TXNRD2: variants seen among roughly 807,000 people sequenced by gnomAD.
The protein encoded by TXNRD2 is thioredoxin reductase 2, mitochondrial.
In TXNRD2, 67 loss-of-function variants were observed where a neutral mutation model predicts 70.8. The ratio of observed to expected loss-of-function variants is 0.95; its 90% confidence interval spans 0.78 to 1.16. The LOEUF (loss-of-function observed/expected upper bound fraction) is 1.16, where lower values mean the gene tolerates loss of function less well. TXNRD2 is among the 50% of genes most tolerant of loss of function. TXNRD2 has a pLI of 0.00. For missense variants in TXNRD2, 644 were observed against 719.9 expected (o/e 0.89, Z 1.21); for synonymous variants, 301 against 295.8 (o/e 1.02, Z -0.18).
At chr22:19,903,210 C>T (rs574464157) in intron 8 of TXNRD2, among the ~76,000 whole-genome samples, 124 of 152,356 alleles carry the variant, frequency 8.1e-4, no homozygotes, top group African/African-American at 2.7e-3. Flanking sequence ...TAAACCCCCA[C>T]GGGGACCTGG....
intron 11 of TXNRD2, chr22:19,894,492 C>T (rs1288720074): frequency 1.3e-5 from 2 of 152,918 alleles, no homozygotes; most frequent in Non-Finnish European, 2.9e-5. Context: ...TGGCTGGGCA[C>T]AGTAGCTCAA....
intron 17 of TXNRD2, chr22:19,876,335 G>A (rs983490922): frequency 3.3e-5 from 5 of 152,348 alleles, no homozygotes; most frequent in Non-Finnish European, 5.9e-5. Flanking sequence ...TGGATGGCAC[G>A]GGCTGAGGGC....
At position 19,883,257 on chromosome 22, in the gene TXNRD2, G is replaced by A. The variant is rs992244491; in HGVS notation, c.1086+68C>T. On this transcript the variant is annotated intron_variant, in intron 12 of 17. Coordinates refer to ENST00000400521, the MANE Select transcript of TXNRD2 (RefSeq NM_006440.5). Reference sequence around the variant, plus strand: ...CTCTCCTACAGGACGGCAGCAGCCGGAGCCCAGCGAGCAGGGGTGGTGGAG... The same window carrying A: ...CTCTCCTACAGGACGGCAGCAGCCGAAGCCCAGCGAGCAGGGGTGGTGGAG... The A allele has an allele frequency of 7.0e-6, 11 of 1,579,844 alleles. No homozygotes were observed. The Middle Eastern group carries it at 1.1e-3, about 155-fold the overall frequency.
intron 5 of TXNRD2, among the ~76,000 whole-genome samples, chr22:19,917,044 G>A (rs1704211193): frequency 6.6e-6 from 1 of 152,212 alleles, no homozygotes; most frequent in African/African-American, 2.4e-5. Flanking sequence ...AGTTCCTACA[G>A]CAAGAGCCCT....
intron 2 of TXNRD2, among the ~76,000 whole-genome samples, chr22:19,929,917 C>T (rs551710900): frequency 2.6e-4 from 40 of 152,258 alleles, no homozygotes; most frequent in African/African-American, 9.2e-4. Flanking sequence ...TCATGAAAGG[C>T]GGAGACATAC....
chr22:19,927,855 G>A (rs565107253), intron 2 of TXNRD2, among the ~76,000 whole-genome samples: 6 of 152,114 alleles, frequency 3.9e-5, no homozygotes, highest in East Asian at 1.9e-4. Context: ...GAACCCAGTC[G>A]TCCTCGGGTA....
chr22:19,909,408 C>T (rs1036586589), intron 8 of TXNRD2, among the ~76,000 whole-genome samples: 4 of 151,856 alleles, frequency 2.6e-5, no homozygotes, highest in Non-Finnish European at 4.4e-5. Context: ...GGAACTATAC[C>T]ACATCCATTC....
chr22:19,933,928 G>T (rs1055805783), intron 1 of TXNRD2, among the ~76,000 whole-genome samples: 1 of 152,180 alleles, frequency 6.6e-6, no homozygotes, highest in East Asian at 1.9e-4. Flanking sequence ...CTGACATATT[G>T]TCCATTAATT....
chr22:19,884,667 TC>T (rs768903028), intron 11 of TXNRD2, among the ~76,000 whole-genome samples: 4 of 152,126 alleles, frequency 2.6e-5, no homozygotes, highest in Non-Finnish European at 5.9e-5. Context: ...AATGGCCTCC[TC>T]CCTATCTGGA....
At chr22:19,886,043 GC>G (rs2145946030) in intron 11 of TXNRD2, among the ~76,000 whole-genome samples, 1 of 152,378 alleles carries the variant, frequency 6.6e-6, no homozygotes, top group African/African-American at 2.4e-5. Context: ...AGCTGGACAG[GC>G]TGGATGGCCA....
chr22:19,904,710 G>C (rs1273288526), intron 8 of TXNRD2, among the ~76,000 whole-genome samples: 1 of 152,188 alleles, frequency 6.6e-6, no homozygotes, highest in Non-Finnish European at 1.5e-5. Flanking sequence ...GAGGGCCTGG[G>C]GCCAGGGGGA....
rs9332310 is a variant in TXNRD2 at position 19,940,163 on chromosome 22, T to C, written c.103+1538A>G. On this transcript the variant is annotated intron_variant, in intron 1 of 17. Coordinates refer to ENST00000400521, the MANE Select transcript of TXNRD2 (RefSeq NM_006440.5). The stretch of plus-strand genomic sequence containing the variant: ...GGGAGGCTGAGGCAGGAGAATGGCG[T>C]GAACCCGGGAGGCGGAGCTTGCAGT... Among the ~76,000 whole-genome samples the C allele has an allele frequency of 2.1e-3, 292 of 140,004 alleles. 2 individuals are homozygous for C. Among genetic ancestry groups the C allele is most frequent in the Non-Finnish European group, 3.5e-3 (229 of 66,362 alleles). 91.8% of individuals were successfully genotyped at this position (140,004 alleles called of 152,430 possible).
intron 2 of TXNRD2, 99 bp from the exon 3 acceptor site, chr22:19,919,698 C>G: frequency 9.0e-7 from 1 of 1,107,650 alleles, no homozygotes; most frequent in Non-Finnish European, 1.3e-6. Flanking sequence ...AGAGTGTGGG[C>G]AGGGCCTGGG....
Position 19,941,735 on chromosome 22 carries a change from C to G in TXNRD2, c.69G>C (p.Ala23=). The G allele has an allele frequency of 6.7e-7, 1 of 1,491,706 alleles. No homozygotes were observed. Among genetic ancestry groups the G allele is most frequent in the Non-Finnish European group, 8.9e-7 (1 of 1,128,322 alleles). The allele number at this position is 1,491,706 out of a possible 1,614,324, so 92.4% of individuals were successfully genotyped here. Residue 23 remains alanine, a synonymous_variant, in exon 1 of 18, where the codon GCG becomes GCC. Coordinates refer to ENST00000400521, the MANE Select transcript of TXNRD2 (RefSeq NM_006440.5). ...GRFRWRTQAV[A]GGVRGAARGA... is the part of the protein sequence containing the mutation. ...CCCGCGCCGCGCCCCGCACCCCGCC[C>G]GCCACGGCCTGCGTCCGCCACCGGA...
At chr22:19,919,689 G>C in intron 2 of TXNRD2, 90 bp from the exon 3 acceptor site, 3 of 1,319,022 alleles carry the variant, frequency 2.3e-6, no homozygotes, top group Non-Finnish European at 3.2e-6. Context: ...AGGTCCAGAA[G>C]AGTGTGGGCA....
intron 8 of TXNRD2, among the ~76,000 whole-genome samples, chr22:19,908,091 T>G (rs1235861212): frequency 2.8e-5 from 3 of 109,002 alleles, no homozygotes; most frequent in South Asian, 5.0e-4. Context: ...GCGCCGTGGG[T>G]AGCAGTGACT....
intron 1 of TXNRD2, among the ~76,000 whole-genome samples, chr22:19,940,678 T>A (rs925056874): frequency 1.3e-5 from 2 of 152,170 alleles, no homozygotes; most frequent in African/African-American, 4.8e-5. Context: ...TCCCCTTTTA[T>A]GGGACTCCGC....
chr22:19,913,956 G>C (rs1054515246), intron 7 of TXNRD2, among the ~76,000 whole-genome samples: 1 of 152,234 alleles, frequency 6.6e-6, no homozygotes, highest in Non-Finnish European at 1.5e-5. Context: ...CAAAGAATAA[G>C]AGTCTACAAA....
intron 2 of TXNRD2, among the ~76,000 whole-genome samples, chr22:19,923,159 A>G (rs1487937924): frequency 6.6e-6 from 1 of 152,174 alleles, no homozygotes; most frequent in Non-Finnish European, 1.5e-5. Context: ...TTCTCCTCAT[A>G]TTAATTGGAA....
Sources: gnomAD v4.1 joint callset for allele counts (sites outside exome capture counted in the v4.1 genomes callset) on GRCh38, gnomAD v4.1.1 for gene constraint, MANE v1.5 for transcripts, NCBI Gene and HGNC (gene_info 2026-07-23, HGNC 2026-07-21) for gene names.